Variants in FSTL5 observed in about 807,000 individuals in gnomAD.
The protein encoded by FSTL5 is follistatin-related protein 5.
A neutral mutation model predicts 89.1 loss-of-function variants in FSTL5; 62 were observed. The observed-to-expected ratio is 0.70, with a 90% CI of 0.57 to 0.86. The LOEUF (loss-of-function observed/expected upper bound fraction) is 0.86. Ranked by LOEUF, FSTL5 falls within the 40% of genes least tolerant of loss-of-function variation. The pLI, the probability that FSTL5 is intolerant of heterozygous loss-of-function variation, is 0.00. For synonymous variants in FSTL5, 383 were observed against 346.2 expected (o/e 1.11, Z -1.18); for missense variants, 1,057 against 1,001.6 (o/e 1.06, Z -0.75).
intron 4 of FSTL5, among the ~76,000 whole-genome samples, chr4:161,826,745 T>C (rs1220561592): frequency 6.6e-6 from 1 of 152,198 alleles, no homozygotes; most frequent in East Asian, 1.9e-4. Context: ...GCATAGACTA[T>C]CTTTTTCTAC....
At chr4:161,904,567 AT>A (rs1350073868) in intron 4 of FSTL5, among the ~76,000 whole-genome samples, 2 of 151,984 alleles carry the variant, frequency 1.3e-5, no homozygotes, top group East Asian at 1.9e-4. Flanking sequence ...TTCTTTATGT[AT>A]TTTTTAAGAC....
intron 3 of FSTL5, among the ~76,000 whole-genome samples, chr4:161,964,601 T>C (rs1735271698): frequency 6.6e-6 from 1 of 152,012 alleles, no homozygotes; most frequent in African/African-American, 2.4e-5. Context: ...ATGGCTTTTC[T>C]TTTTCTGTTA....
At position 161,386,345 on chromosome 4, in the gene FSTL5, G is replaced by C; in HGVS notation, c.1946C>G (p.Pro649Arg). Residue 649 changes from proline (P) to arginine (R), a missense_variant, in exon 16 of 16, where the codon CCT (proline) becomes CGT (arginine). Physicochemically the swap from Pro to Arg is moderately radical, Grantham distance 103. This residue lies in a region of FSTL5 where 980 missense variants were observed against 903.2 expected (regional missense o/e 1.08). Coordinates refer to ENST00000306100, the MANE Select transcript of FSTL5 (RefSeq NM_020116.5). ...TINLKDYKCV[P>R]QSLAYTHLGG... ...CAAGTGTGTATATGCCAATGACTGA[G>C]GAACGCACTTATAGTCCTTCAAGTT... The C allele has an allele frequency of 1.2e-6, 2 of 1,613,864 alleles. No homozygotes were observed. The highest frequency in any genetic ancestry group is 1.7e-6 in the Non-Finnish European group (2 of 1,179,900).
At chr4:161,662,385 G>T (rs113200065) in intron 6 of FSTL5, among the ~76,000 whole-genome samples, 1 of 152,054 alleles carries the variant, frequency 6.6e-6, no homozygotes, top group East Asian at 1.9e-4. Flanking sequence ...GATGTATTAT[G>T]TTTATGAAAA....
At chr4:161,878,384 G>C (rs1732516757) in intron 4 of FSTL5, among the ~76,000 whole-genome samples, 1 of 151,964 alleles carries the variant, frequency 6.6e-6, no homozygotes, top group African/African-American at 2.4e-5. Flanking sequence ...CAAGAGCTTT[G>C]CAAATATTGT....
intron 1 of FSTL5, among the ~76,000 whole-genome samples, chr4:162,140,105 AT>A (rs969954543): frequency 9.9e-5 from 15 of 151,982 alleles, no homozygotes; most frequent in African/African-American, 3.1e-4. Flanking sequence ...ACCAGTTGGC[AT>A]TTTTTTTCAA....
intron 6 of FSTL5, among the ~76,000 whole-genome samples, chr4:161,747,314 G>T (rs1475622333): frequency 6.6e-6 from 1 of 151,986 alleles, no homozygotes; most frequent in African/African-American, 2.4e-5. Flanking sequence ...TCTTTGCCTG[G>T]CTTTCTTCTC....
chr4:161,697,371 A>G (rs974903153), intron 6 of FSTL5, among the ~76,000 whole-genome samples: 4 of 152,162 alleles, frequency 2.6e-5, no homozygotes, highest in African/African-American at 9.7e-5. Flanking sequence ...AGGGGAAAAA[A>G]TATTTCCTGG....
At chr4:161,809,760 T>C (rs1418999781) in intron 4 of FSTL5, among the ~76,000 whole-genome samples, 1 of 152,216 alleles carries the variant, frequency 6.6e-6, no homozygotes, top group East Asian at 1.9e-4. Context: ...ATTACAATTA[T>C]ATAACCTACC....
At chr4:161,592,701 C>CCA (rs1330122622) in intron 7 of FSTL5, among the ~76,000 whole-genome samples, 4 of 152,084 alleles carry the variant, frequency 2.6e-5, no homozygotes, top group African/African-American at 7.2e-5. Context: ...GGTTCCAAGC[C>CCA]TTTGCTATTG....
Position 161,607,220 on chromosome 4 carries a change from T to C in FSTL5, c.895-19645A>G, listed in dbSNP as rs573793811. On this transcript the variant is annotated intron_variant, in intron 7 of 15. Transcript: ENST00000306100. The stretch of plus-strand genomic sequence containing the variant: ...TCCATGTTCTCCATTATTATGAAAA[T>C]GTAGAGAAAAAAATCGTAAGACTTG... Among the ~76,000 whole-genome samples, 10 of 152,222 alleles carry C rather than the reference T, an allele frequency of 6.6e-5. No homozygotes were observed. The South Asian group carries it at 2.1e-3, about 32-fold the overall frequency.
chr4:161,980,740 C>T (rs906307112), intron 3 of FSTL5, among the ~76,000 whole-genome samples: 2 of 141,274 alleles, frequency 1.4e-5, no homozygotes, highest in South Asian at 2.4e-4. Context: ...ATAAATGTAA[C>T]TCAGTTGTAC....
At chr4:161,753,441 T>G (rs1740465555) in intron 6 of FSTL5, among the ~76,000 whole-genome samples, 1 of 152,176 alleles carries the variant, frequency 6.6e-6, no homozygotes, top group African/African-American at 2.4e-5. Flanking sequence ...TGTTCATAAG[T>G]TATTTCTCAG....
At chr4:161,741,740 C>T (rs968937874) in intron 6 of FSTL5, among the ~76,000 whole-genome samples, 17 of 141,600 alleles carry the variant, frequency 1.2e-4, no homozygotes, top group South Asian at 1.1e-3. Context: ...CAGGCTGGAA[C>T]GCAGTGGCAC....
At chr4:161,813,091 A>G (rs900867728) in intron 4 of FSTL5, among the ~76,000 whole-genome samples, 4 of 151,636 alleles carry the variant, frequency 2.6e-5, no homozygotes, top group East Asian at 3.9e-4. Context: ...CAGTGACGCA[A>G]TCTCGGCTAA....
At chr4:161,664,423 A>G (rs112100702) in intron 6 of FSTL5, among the ~76,000 whole-genome samples, 11 of 152,240 alleles carry the variant, frequency 7.2e-5, no homozygotes, top group African/African-American at 2.6e-4. Context: ...AAGTTTCACA[A>G]ATCTCTAGGG....
chr4:161,888,305 TCACTTGGTG>T (rs1460047962), intron 4 of FSTL5, among the ~76,000 whole-genome samples: 2 of 152,018 alleles, frequency 1.3e-5, no homozygotes, highest in Non-Finnish European at 2.9e-5. Flanking sequence ...CCTTGCCCAT[TCACTTGGTG>T]AATGGAGAAG....
At chr4:161,621,827 C>CAAAAAAAAAA (rs58143952) in intron 7 of FSTL5, among the ~76,000 whole-genome samples, 17 of 90,340 alleles carry the variant, frequency 1.9e-4, no homozygotes, top group African/African-American at 5.1e-4. Flanking sequence ...TCTAAAAATA[C>CAAAAAAAAAA]AAAAAAAAAA....
chr4:161,492,715 G>A (rs1161858328), intron 12 of FSTL5, among the ~76,000 whole-genome samples: 2 of 151,732 alleles, frequency 1.3e-5, no homozygotes, highest in African/African-American at 2.4e-5. Flanking sequence ...AGTTGTAATG[G>A]GCAATAAGTC....
Sources: gnomAD v4.1 joint callset for allele counts (sites outside exome capture counted in the v4.1 genomes callset) on GRCh38, gnomAD v4.1.1 for gene constraint, gnomAD v4.1.1 regional missense constraint, MANE v1.5 for transcripts, NCBI Gene and HGNC (gene_info 2026-07-23, HGNC 2026-07-21) for gene names.